Variants in DTNA observed in about 807,000 individuals in gnomAD.
DTNA encodes dystrophin-related protein 3.
A neutral mutation model predicts 100.7 loss-of-function variants in DTNA; 43 were observed. That is an observed-to-expected ratio of 0.43 (90% CI 0.33 to 0.55). The LOEUF is 0.55. Among genes scored for constraint, DTNA ranks in the 20% least tolerant of loss-of-function variants. The probability of loss-of-function intolerance (pLI) is 0.04; values close to 1 mark genes in which losing one functional copy is unlikely to be tolerated. For missense variants in DTNA, 798 were observed against 953.9 expected, an observed-to-expected ratio of 0.84 and a Z score of 2.15; for synonymous variants, 349 against 347.9, an observed-to-expected ratio of 1.00 and a Z score of -0.04.
chr18:34,877,770 C>T lies in DTNA; in HGVS notation c.1955C>T (p.Thr652Ile). The change falls in exon 19 of 23, where the codon ACT becomes ATT. Residue 652 changes from threonine to isoleucine, a missense_variant. By Grantham distance (89) the Thr-to-Ile change is moderately conservative. This residue lies in a region of DTNA where 242 missense variants were observed against 238.2 expected (regional missense o/e 1.02). Transcript: ENST00000444659. ...NDLLVAADSITNTMSSLVKEL... is the reference protein window; with the variant it reads ...NDLLVAADSIINTMSSLVKEL... ...TTGCTAGTGGCTGCAGATTCCATCA[C>T]TAACACTATGTCCTCTCTTGTGAAA... 2 of 1,614,014 alleles carry T rather than the reference C, an allele frequency of 1.2e-6. No homozygotes were observed. The highest frequency in any genetic ancestry group is 8.5e-7 in the Non-Finnish European group (1 of 1,179,956).
intron 5 of DTNA, 28 bp downstream of exon 5, chr18:34,806,332 T>C: frequency 6.3e-7 from 1 of 1,595,696 alleles, no homozygotes; most frequent in Non-Finnish European, 8.6e-7. Context: ...GTGTGTCTGT[T>C]TGCTTTTCCT....
rs534061238 is a variant in DTNA, at chr18:34,598,823, G to A, written c.-2+105309G>A. Among the ~76,000 whole-genome samples, 376 of 152,116 alleles carry A rather than the reference G, an allele frequency of 2.5e-3. 3 individuals are homozygous for A. Among genetic ancestry groups the A allele is most frequent in the African/African-American group, 8.2e-3 (342 of 41,492 alleles). ...GGAGCTTGCAGTGAGCCGAGATCGC[G>A]CCACTGCACTCCAGTCTGGGTGACA... On this transcript the variant is annotated intron_variant, in intron 1 of 19. Coordinates refer to the DTNA transcript ENST00000283365.
intron 1 of DTNA, among the ~76,000 whole-genome samples, chr18:34,597,476 C>G (rs1162737275): frequency 1.3e-5 from 2 of 152,126 alleles, no homozygotes; most frequent in African/African-American, 2.4e-5. Context: ...ACACCCTCAC[C>G]CTGCCACTAC....
In DTNA at chr18:34,673,840, G is replaced by A. The variant is rs1334663942; in HGVS notation, c.-1-82136G>A. On this transcript the variant is annotated intron_variant, in intron 1 of 19. Coordinates refer to the DTNA transcript ENST00000283365. The stretch of plus-strand genomic sequence containing the variant: ...CAACTTTTTATCCACTTCTATTGAC[G>A]AAATATCAAGAATAAAACCGAATTC... 3.3e-5 allele frequency among the ~76,000 whole-genome samples: 5 copies of A among 152,158 alleles called. No homozygotes were observed. The East Asian group carries it at 9.7e-4, about 29-fold the overall frequency.
intron 2 of DTNA, among the ~76,000 whole-genome samples, chr18:34,756,887 C>T (rs528711529): frequency 2.0e-5 from 3 of 152,158 alleles, no homozygotes; most frequent in East Asian, 1.9e-4. Context: ...TTCCTGCATA[C>T]GGAATGAGGA....
At chr18:34,626,851 G>A (rs1036726664) in intron 1 of DTNA, among the ~76,000 whole-genome samples, 1 of 152,170 alleles carries the variant, frequency 6.6e-6, no homozygotes, top group Non-Finnish European at 1.5e-5. Context: ...TATTGTTTAA[G>A]GGTGTCTCAC....
chr18:34,698,637 G>A (rs1226205607), intron 1 of DTNA, among the ~76,000 whole-genome samples: 1 of 152,182 alleles, frequency 6.6e-6, no homozygotes, highest in Non-Finnish European at 1.5e-5. Flanking sequence ...ACGATCACAA[G>A]GTAAGGTCCC....
chr18:34,576,786 C>T (rs1384874567), intron 1 of DTNA, among the ~76,000 whole-genome samples: 3 of 152,124 alleles, frequency 2.0e-5, no homozygotes, highest in Middle Eastern at 3.4e-3. Flanking sequence ...GTATGATAGT[C>T]GGGGAAAATG....
intron 1 of DTNA, among the ~76,000 whole-genome samples, chr18:34,575,859 G>T (rs1208706737): frequency 1.3e-5 from 2 of 152,116 alleles, no homozygotes; most frequent in African/African-American, 4.8e-5. Context: ...CCACAATAAA[G>T]AGTAGGACTA....
At chr18:34,567,812 T>A (rs1298489781) in intron 1 of DTNA, among the ~76,000 whole-genome samples, 5 of 152,170 alleles carry the variant, frequency 3.3e-5, no homozygotes, top group African/African-American at 1.2e-4. Context: ...AAAACACATA[T>A]ATGTAACTAA....
intron 1 of DTNA, among the ~76,000 whole-genome samples, chr18:34,521,036 T>C (rs2042102833): frequency 6.6e-6 from 1 of 152,206 alleles, no homozygotes; most frequent in South Asian, 2.1e-4. Context: ...GATGTGTCTT[T>C]AGTATTTGGA....
At chr18:34,715,721 A>G (rs2083906738) in intron 1 of DTNA, among the ~76,000 whole-genome samples, 1 of 152,132 alleles carries the variant, frequency 6.6e-6, no homozygotes, top group African/African-American at 2.4e-5. Context: ...GAATGGTAAT[A>G]TGAAAACTTA....
At chr18:34,634,970 G>A (rs746944478) in intron 1 of DTNA, among the ~76,000 whole-genome samples, 2 of 152,106 alleles carry the variant, frequency 1.3e-5, no homozygotes, top group African/African-American at 2.4e-5. Context: ...CTGGTAACAT[G>A]TTAGCATTAT....
At chr18:34,582,113 T>A (rs900661747) in intron 1 of DTNA, among the ~76,000 whole-genome samples, 5 of 152,144 alleles carry the variant, frequency 3.3e-5, no homozygotes, top group African/African-American at 1.2e-4. Flanking sequence ...TAAATGTGGC[T>A]GCTCAGAGAG....
chr18:34,636,125 T>C (rs1169278085), intron 1 of DTNA, among the ~76,000 whole-genome samples: 2 of 152,184 alleles, frequency 1.3e-5, no homozygotes, highest in African/African-American at 2.4e-5. Context: ...TAAAAAGACA[T>C]ATATTTGAGG....
At chr18:34,747,100 G>GTATCTATCTATC (rs2091707545) in intron 1 of DTNA, among the ~76,000 whole-genome samples, 1 of 44,620 alleles carries the variant, frequency 2.2e-5, no homozygotes, top group African/African-American at 5.4e-5. Context: ...ATCTATATCT[G>GTATCTATCTATC]TATCTATATA....
intron 3 of DTNA, among the ~76,000 whole-genome samples, chr18:34,768,440 C>A (rs189263345): frequency 7.0e-6 from 1 of 142,020 alleles, no homozygotes; most frequent in Non-Finnish European, 1.5e-5. Flanking sequence ...ACTGTGTTGT[C>A]CCCACTCAAC....
At chr18:34,795,575 T>C (rs1383075649) in intron 4 of DTNA, among the ~76,000 whole-genome samples, 1 of 152,174 alleles carries the variant, frequency 6.6e-6, no homozygotes, top group Non-Finnish European at 1.5e-5. Flanking sequence ...GGCATTTCTG[T>C]AGTGGCATTT....
chr18:34,827,695 A>G lies in DTNA; in HGVS notation c.1085+19A>G, dbSNP rs753277083. The G allele has an allele frequency of 2.5e-6, 4 of 1,609,120 alleles. No homozygotes were observed. The highest frequency in any genetic ancestry group is 2.2e-5 in the East Asian group (1 of 44,836). On this transcript the variant is annotated intron_variant, in intron 10 of 22. Transcript: ENST00000444659. ...CCAGGAGGTAAGTTCCAACCCTATT[A>G]TAAAATAAGCCCTTTCTTTGGTAAT... is the stretch of plus-strand genomic sequence containing the variant.
Sources: allele counts gnomAD v4.1 joint callset (sites outside exome capture counted in the v4.1 genomes callset), GRCh38; gene constraint gnomAD v4.1.1; regional missense constraint gnomAD v4.1.1; transcripts MANE v1.5; gene names NCBI Gene and HGNC (gene_info 2026-07-23, HGNC 2026-07-21).